FBXL17: variants seen among roughly 807,000 people sequenced by gnomAD.
The protein encoded by FBXL17 is F-box and leucine rich repeat protein 17.
In FBXL17, 22 loss-of-function variants were observed where a neutral mutation model predicts 66.2. The observed-to-expected ratio is 0.33, with a 90% CI of 0.24 to 0.47. The LOEUF (loss-of-function observed/expected upper bound fraction) is 0.47. Among genes scored for constraint, FBXL17 ranks in the 20% least tolerant of loss-of-function variants. The probability of loss-of-function intolerance (pLI) is 1.00; values close to 1 mark genes in which losing one functional copy is unlikely to be tolerated. For missense variants in FBXL17, 878 were observed against 948.2 expected, an observed-to-expected ratio of 0.93 and a Z score of 0.97; for synonymous variants, 474 against 400.5, an observed-to-expected ratio of 1.18 and a Z score of -2.19.
intron 4 of FBXL17, among the ~76,000 whole-genome samples, chr5:108,292,610 T>C (rs983305567): frequency 6.6e-6 from 1 of 152,192 alleles, no homozygotes; most frequent in Non-Finnish European, 1.5e-5. Context: ...TGAGGGATCA[T>C]GACCTCACAA....
rs72049876 is a variant in FBXL17, at chr5:107,940,242, T to TATTCATTC, written c.1823-59071_1823-59064dup. On this transcript the variant is annotated intron_variant, in intron 7 of 8. Transcript: ENST00000542267. ...TATAATGCATTTTTAGAATAAATTT[T>TATTCATTC]ATTCATTCATTCATTCATTCATTCA... Among the ~76,000 whole-genome samples, 873 of 151,074 alleles carry TATTCATTC rather than the reference T, an allele frequency of 5.8e-3. 4 individuals are homozygous for TATTCATTC. Among genetic ancestry groups the TATTCATTC allele is most frequent in the African/African-American group, 0.019 (768 of 41,102 alleles).
intron 4 of FBXL17, among the ~76,000 whole-genome samples, chr5:108,332,282 T>C (rs1378692912): frequency 1.3e-5 from 2 of 152,184 alleles, no homozygotes; most frequent in African/African-American, 4.8e-5. Context: ...AATAAGATTA[T>C]GCCTGGACCA....
At chr5:108,373,742 C>G (rs1165578308) in intron 1 of FBXL17, among the ~76,000 whole-genome samples, 1 of 151,724 alleles carries the variant, frequency 6.6e-6, no homozygotes, top group African/African-American at 2.4e-5. Flanking sequence ...ATGGCAAGAC[C>G]CTGTCTCCAC....
At chr5:108,005,388 T>A (rs1035010899) in intron 7 of FBXL17, among the ~76,000 whole-genome samples, 2 of 152,132 alleles carry the variant, frequency 1.3e-5, no homozygotes, top group African/African-American at 4.8e-5. Flanking sequence ...TTTAGGAGTA[T>A]AATAAATGTT....
At chr5:108,307,980 T>C (rs941099811) in intron 4 of FBXL17, among the ~76,000 whole-genome samples, 1 of 152,120 alleles carries the variant, frequency 6.6e-6, no homozygotes, top group Non-Finnish European at 1.5e-5. Flanking sequence ...CATAATAAAA[T>C]ATGATACATG....
intron 4 of FBXL17, among the ~76,000 whole-genome samples, chr5:108,259,936 G>A (rs1437780042): frequency 6.6e-6 from 1 of 151,772 alleles, no homozygotes; most frequent in Non-Finnish European, 1.5e-5. Context: ...CTATCAGGAT[G>A]GTAAACTCTG....
intron 7 of FBXL17, among the ~76,000 whole-genome samples, chr5:108,017,523 T>C (rs986760590): frequency 1.3e-5 from 2 of 152,206 alleles, no homozygotes; most frequent in Non-Finnish European, 2.9e-5. Context: ...AAGTGTTTTA[T>C]ATTGATTTTC....
chr5:108,250,468 C>T (rs1455373245), intron 4 of FBXL17, among the ~76,000 whole-genome samples: 1 of 151,864 alleles, frequency 6.6e-6, no homozygotes, highest in East Asian at 1.9e-4. Flanking sequence ...TTTTAGTGAC[C>T]ATCTATGCTC....
intron 4 of FBXL17, among the ~76,000 whole-genome samples, chr5:108,271,265 T>C (rs557909403): frequency 5.5e-4 from 84 of 152,266 alleles, no homozygotes; most frequent in African/African-American, 2.0e-3. Context: ...GCCTATCTTC[T>C]CTATTAATCC....
intron 4 of FBXL17, among the ~76,000 whole-genome samples, chr5:108,307,440 G>A (rs916554925): frequency 4.6e-5 from 7 of 151,964 alleles, no homozygotes; most frequent in African/African-American, 1.5e-4. Flanking sequence ...CCGAGTAGTT[G>A]GGACTACTGG....
At chr5:108,091,342 A>G (rs754932961) in intron 6 of FBXL17, among the ~76,000 whole-genome samples, 2 of 152,226 alleles carry the variant, frequency 1.3e-5, no homozygotes, top group Non-Finnish European at 2.9e-5. Flanking sequence ...CATTTCCTGA[A>G]TAATTTCTTG....
chr5:108,180,507 A>T (rs1208225984), intron 6 of FBXL17, among the ~76,000 whole-genome samples: 4 of 146,610 alleles, frequency 2.7e-5, no homozygotes, highest in African/African-American at 7.5e-5. Flanking sequence ...CTCCGTCTTT[A>T]AAAAAAAAAA....
chr5:108,159,061 T>C (rs1752107376), intron 6 of FBXL17, among the ~76,000 whole-genome samples: 1 of 152,118 alleles, frequency 6.6e-6, no homozygotes, highest in African/African-American at 2.4e-5. Context: ...GGTATTTCAA[T>C]TAGTAATGCA....
intron 4 of FBXL17, among the ~76,000 whole-genome samples, chr5:108,347,412 C>T (rs1023499542): frequency 2.0e-5 from 3 of 152,110 alleles, no homozygotes; most frequent in African/African-American, 7.2e-5. Context: ...TTAAGAACTC[C>T]TACTGGTGCA....
At chr5:108,102,566 T>C (rs200564754) in intron 6 of FBXL17, among the ~76,000 whole-genome samples, 2 of 151,868 alleles carry the variant, frequency 1.3e-5, no homozygotes, top group South Asian at 4.2e-4. Flanking sequence ...AGCGGTGGGG[T>C]GGGGTATCTC....
chr5:108,167,314 T>C (rs1337420380), intron 6 of FBXL17, among the ~76,000 whole-genome samples: 2 of 152,170 alleles, frequency 1.3e-5, no homozygotes, highest in Admixed American at 6.5e-5. Flanking sequence ...GCATCGATGA[T>C]TGATGGCACC....
chr5:108,189,240 G>C (rs1289316320), intron 5 of FBXL17, among the ~76,000 whole-genome samples: 3 of 143,382 alleles, frequency 2.1e-5, no homozygotes, highest in African/African-American at 5.0e-5. Context: ...TTTCTTTCTA[G>C]AGCTGAAGTT....
chr5:107,994,040 T>C lies in FBXL17; in HGVS notation c.1822+26885A>G, dbSNP rs934550193. 7.2e-5 allele frequency among the ~76,000 whole-genome samples: 11 copies of C among 152,256 alleles called. No homozygotes were observed. In the South Asian group the frequency reaches 2.3e-3, roughly 32 times the overall value. On this transcript the variant is annotated intron_variant, in intron 7 of 8. Coordinates refer to ENST00000542267, the MANE Select transcript of FBXL17 (RefSeq NM_001163315.3). ...TAATGTTAAAATCATACTAAAATTA[T>C]AATTATTATTAATTCTACATGTTTT...
chr5:108,180,469 G>A (rs1001944908), intron 6 of FBXL17, among the ~76,000 whole-genome samples: 8 of 151,790 alleles, frequency 5.3e-5, no homozygotes, highest in African/African-American at 1.9e-4. Flanking sequence ...TTGTGCCACT[G>A]CACTCCAGCC....
Sources: gnomAD v4.1 joint callset for allele counts (sites outside exome capture counted in the v4.1 genomes callset) on GRCh38, gnomAD v4.1.1 for gene constraint, MANE v1.5 for transcripts, NCBI Gene and HGNC (gene_info 2026-07-23, HGNC 2026-07-21) for gene names.